The following POU6F1 variants were observed in gnomAD, a reference collection of about 807,000 sequenced individuals.
The protein encoded by POU6F1 is POU domain, class 6, transcription factor 1.
Under a neutral mutation model 28.9 loss-of-function variants are expected in POU6F1, and 9 were observed. The ratio of observed to expected loss-of-function variants is 0.31; its 90% CI spans 0.19 to 0.54. The LOEUF (loss-of-function observed/expected upper bound fraction) is 0.54. Among genes scored for constraint, POU6F1 ranks in the 20% least tolerant of loss-of-function variants. The pLI is 0.94. For synonymous variants in POU6F1, 173 were observed against 171.1 expected, an observed-to-expected ratio of 1.01 and a Z score of -0.09; for missense variants, 338 against 426.1, an observed-to-expected ratio of 0.79 and a Z score of 1.82.
At chr12:51,198,204 C>T (rs533044045) in intron 5 of POU6F1, 181 bp from the exon 6 acceptor site, 2 of 397,442 alleles carry the variant, frequency 5.0e-6, no homozygotes, top group East Asian at 3.6e-5. Context: ...CTTATCCCCC[C>T]TCCCTGGGGC....
At chr12:51,198,339 G>C (rs547368792) in intron 5 of POU6F1, among the ~76,000 whole-genome samples, 1 of 152,212 alleles carries the variant, frequency 6.6e-6, no homozygotes, top group Non-Finnish European at 1.5e-5. Flanking sequence ...GCCGAAGTAC[G>C]GCAGGCCTGC....
chr12:51,190,268 C>T lies in POU6F1; in HGVS notation c.1815G>A (p.Leu605=). The T allele has an allele frequency of 1.2e-6, 2 of 1,614,176 alleles. No homozygotes were observed. Among genetic ancestry groups the T allele is most frequent in the Non-Finnish European group, 8.5e-7 (1 of 1,180,008 alleles). ...RRQTLKNTSK[L]NVFQIP ...AGCCCTAAGGGATCTGAAAGACGTT[C>T]AGCTTGCTGGTGTTCTTGAGCGTCT... The change falls in exon 11 of 11, where the codon CTG becomes CTA. Residue 605 remains leucine (L), a synonymous_variant. Transcript: ENST00000333640. The surrounding 1 kb of genome is among the most constrained non-coding windows in gnomAD (Gnocchi z 4.5).
At chr12:51,215,369 A>G (rs2137245778) in intron 1 of POU6F1, among the ~76,000 whole-genome samples, 1 of 152,070 alleles carries the variant, frequency 6.6e-6, no homozygotes, top group East Asian at 1.9e-4. Context: ...AGCTTGGCCA[A>G]CATGGTGAAA....
intron 2 of POU6F1, among the ~76,000 whole-genome samples, chr12:51,205,919 C>T (rs1226700730): frequency 2.7e-5 from 4 of 149,410 alleles, no homozygotes; most frequent in African/African-American, 4.9e-5. Context: ...CCTGGGCTCA[C>T]GCAATTCTCC....
At chr12:51,213,031 G>T (rs1944106886) in intron 1 of POU6F1, among the ~76,000 whole-genome samples, 1 of 151,626 alleles carries the variant, frequency 6.6e-6, no homozygotes. Flanking sequence ...CCGCCTCCCA[G>T]GTTCAAGCAA....
chr12:51,214,183 T>TAAAA (rs1214854207), intron 1 of POU6F1, among the ~76,000 whole-genome samples: 1 of 151,946 alleles, frequency 6.6e-6, no homozygotes, highest in Non-Finnish European at 1.5e-5. Context: ...AATAAATAAA[T>TAAAA]AAAATGGTGA....
At position 51,199,401 on chromosome 12, in the gene POU6F1, C is replaced by T. The variant is rs1352741089; in HGVS notation, c.366+346G>A. On this transcript the variant is annotated intron_variant, in intron 4 of 10. Coordinates refer to ENST00000333640, the MANE Select transcript of POU6F1 (RefSeq NM_001330422.2). This position sits in a 1 kb window ranked among gnomAD's most constrained non-coding sequence, Gnocchi z 4.1. ...CTCTAAATGAGGACTCTGAACAATC[C>T]ATTAACTCTTACAGGCATCCACTGG... Among the ~76,000 whole-genome samples the T allele has an allele frequency of 6.6e-6, 1 of 152,192 alleles. No individual in the cohort carries two copies. The highest frequency in any genetic ancestry group is 6.5e-5 in the Admixed American group (1 of 15,276).
intron 5 of POU6F1, 24 bp from the exon 6 acceptor site, chr12:51,198,047 G>C: frequency 2.5e-6 from 1 of 399,360 alleles, no homozygotes; most frequent in East Asian, 3.6e-5. Flanking sequence ...CAGAGACAGA[G>C]GTGCTCAAAT....
intron 2 of POU6F1, among the ~76,000 whole-genome samples, chr12:51,205,364 C>T (rs1371540940): frequency 1.3e-5 from 2 of 152,118 alleles, no homozygotes; most frequent in South Asian, 2.1e-4. Flanking sequence ...TATCCTGTGG[C>T]CCTGTGGCTC....
chr12:51,196,731 C>G, intron 7 of POU6F1, 68 bp downstream of exon 7: 1 of 1,575,594 alleles, frequency 6.3e-7, no homozygotes, highest in Non-Finnish European at 8.7e-7. Context: ...CAGCCCAAGA[C>G]CTGGCCGCCA....
At position 51,196,134 on chromosome 12, in the gene POU6F1, C is replaced by A. The variant is rs1178962796; in HGVS notation, c.1015G>T (p.Val339Leu). Residue 339 changes from valine (V) to leucine (L), a missense_variant, in exon 8 of 11, where the codon GTG becomes TTG. Val to Leu is a conservative substitution (Grantham distance 32, BLOSUM62 1). This residue lies in a region of POU6F1 where 206 missense variants were observed against 225.6 expected (regional missense o/e 0.91). Transcript: ENST00000333640. ...CTTTGGGCTGGTGCTGGGGCCGCCA[C>A]ACTAGCTGAGTTCACTACCCATGGA... ...TLPWVVNSAS[V>L]AAPAPAQSLQ... is the part of the protein sequence containing the mutation. The A allele has an allele frequency of 1.3e-6, 2 of 1,566,834 alleles. No individual in the cohort carries two copies. The highest frequency in any genetic ancestry group is 1.4e-5 in the African/African-American group (1 of 73,640).
chr12:51,190,649 C>T lies in POU6F1; in HGVS notation c.1491-57G>A, dbSNP rs984351217. ...TGAGAGCATGTTGGTCTCTTTGGCA[C>T]ACCCCGCACCTAGGTGCAGGCTCCA... On this transcript the variant is annotated intron_variant, in intron 10 of 10. Coordinates refer to ENST00000333640, the MANE Select transcript of POU6F1 (RefSeq NM_001330422.2). This position sits in a 1 kb window ranked among gnomAD's most constrained non-coding sequence, Gnocchi z 4.5. The T allele has an allele frequency of 1.9e-6, 3 of 1,574,596 alleles. No individual in the cohort carries two copies. The highest frequency in any genetic ancestry group is 2.6e-6 in the Non-Finnish European group (3 of 1,162,178).
At chr12:51,205,147 C>T (rs1356810432) in intron 2 of POU6F1, among the ~76,000 whole-genome samples, 1 of 150,410 alleles carries the variant, frequency 6.6e-6, no homozygotes, top group East Asian at 2.0e-4. Context: ...TCACGCCATT[C>T]TCCTGCCTCA....
chr12:51,194,973 T>C (rs531070985), intron 8 of POU6F1, among the ~76,000 whole-genome samples: 3 of 152,288 alleles, frequency 2.0e-5, no homozygotes, highest in East Asian at 3.9e-4. Context: ...CCACTTCAGA[T>C]CTACTGAATA....
rs189196975 is a variant in POU6F1, at chr12:51,205,275, C to T, written c.49-907G>A. 1.8e-3 allele frequency among the ~76,000 whole-genome samples: 269 copies of T among 152,112 alleles called. 1 individual carries two copies. The highest frequency in any genetic ancestry group is 6.1e-3 in the African/African-American group (251 of 41,484). On this transcript the variant is annotated intron_variant, in intron 2 of 10. Transcript: ENST00000333640. ...CAGGATGGTCTCGATCTCCTGATCTCGTGATCCGCCCACCTCGGCCTCCCA... is the reference window on the plus strand; with the variant it reads ...CAGGATGGTCTCGATCTCCTGATCTTGTGATCCGCCCACCTCGGCCTCCCA...
chr12:51,216,076 G>C (rs965727306), intron 1 of POU6F1, among the ~76,000 whole-genome samples: 1 of 152,170 alleles, frequency 6.6e-6, no homozygotes, highest in Non-Finnish European at 1.5e-5. Flanking sequence ...CCAGCACTTT[G>C]GGAGGCCAAG....
chr12:51,192,410 G>A lies in POU6F1; in HGVS notation c.1241C>T (p.Ala414Val). ...AGAGGCAGATGGCTTGGCGGCTGGA[G>A]CTGGGCTGGCAATGACCACAGCAGG... ...PQPAVVIASPAPAAKPSASAP... is the reference protein window; with the variant it reads ...PQPAVVIASPVPAAKPSASAP... The change falls in exon 9 of 11, where the codon GCT (alanine) becomes GTT (valine). Residue 414 changes from alanine to valine, a missense_variant. Ala to Val is a moderately conservative substitution (Grantham distance 64). Around this residue, in one of 3 missense-constraint regions of POU6F1, gnomAD observed 206 missense variants for 225.6 expected, o/e 0.91. Coordinates refer to ENST00000333640, the MANE Select transcript of POU6F1 (RefSeq NM_001330422.2). 6.2e-7 allele frequency: 1 copy of A among 1,614,124 alleles called. No individual in the cohort carries two copies. Among genetic ancestry groups the A allele is most frequent in the South Asian group, 1.1e-5 (1 of 91,078 alleles).
intron 7 of POU6F1, 70 bp downstream of exon 7, chr12:51,196,729 G>A: frequency 1.3e-6 from 2 of 1,569,164 alleles, no homozygotes; most frequent in Non-Finnish European, 8.7e-7. Flanking sequence ...CACAGCCCAA[G>A]ACCTGGCCGC....
At chr12:51,202,783 G>T (rs1943316576) in intron 3 of POU6F1, among the ~76,000 whole-genome samples, 2 of 152,160 alleles carry the variant, frequency 1.3e-5, no homozygotes, top group Admixed American at 6.5e-5. Flanking sequence ...GTCAATAAAA[G>T]ACATAGGTAC....
Sources: gnomAD v4.1 joint callset for allele counts (sites outside exome capture counted in the v4.1 genomes callset) on GRCh38, gnomAD v4.1.1 for gene constraint, gnomAD v4.1.1 regional missense constraint, Gnocchi (gnomAD v3.1) non-coding constraint, MANE v1.5 for transcripts, NCBI Gene and HGNC (gene_info 2026-07-23, HGNC 2026-07-21) for gene names.